TBC1D2: variants seen among roughly 807,000 people sequenced by gnomAD.
TBC1D2 encodes TBC1 domain family member 2, also known as TBC1 domain family member 2A.
In TBC1D2, 58 loss-of-function variants were observed where a neutral mutation model predicts 91.1. The observed-to-expected ratio is 0.64, with a 90% CI of 0.52 to 0.79. TBC1D2 has a LOEUF of 0.79. TBC1D2 is among the 30% of genes least tolerant of loss of function. The pLI, the probability that TBC1D2 is intolerant of heterozygous loss-of-function variation, is 0.00. For synonymous variants in TBC1D2, 482 were observed against 511.5 expected, an observed-to-expected ratio of 0.94 and a Z score of 0.78; for missense variants, 1,080 against 1,208.3, an observed-to-expected ratio of 0.89 and a Z score of 1.57.
chr9:98,223,092 G>T (rs1316930372), intron 5 of TBC1D2, among the ~76,000 whole-genome samples: 1 of 152,246 alleles, frequency 6.6e-6, no homozygotes, highest in African/African-American at 2.4e-5. Context: ...TGGTGGGAAT[G>T]AACATGACCC....
Position 98,233,420 on chromosome 9 carries a change from G to C in TBC1D2, c.777C>G (p.Thr259=). ...CAGCCCTGGACAGAGGCTCACCTGGGGTGCTGGCGTCAGAGGCCAAGGGCT... is the reference window on the plus strand; with the variant it reads ...CAGCCCTGGACAGAGGCTCACCTGGCGTGCTGGCGTCAGAGGCCAAGGGCT... The part of the protein sequence containing the change: ...EEQPLASDAS[T]PGREPEDSPK... The change falls in exon 4 of 13, where the codon ACC becomes ACG. Residue 259 remains threonine (T), a synonymous_variant. Coordinates refer to ENST00000465784, the MANE Select transcript of TBC1D2 (RefSeq NM_001267571.2). The C allele has an allele frequency of 6.2e-7, 1 of 1,613,696 alleles. No individual in the cohort carries two copies. Among genetic ancestry groups the C allele is most frequent in the Non-Finnish European group, 8.5e-7 (1 of 1,179,792 alleles).
At chr9:98,235,313 C>T (rs1829477804) in intron 3 of TBC1D2, 1 of 403,106 alleles carries the variant, frequency 2.5e-6, no homozygotes. Context: ...TGGTGCAGAT[C>T]GTGAGAAGAT....
At chr9:98,238,189 C>T (rs1829556741) in intron 3 of TBC1D2, among the ~76,000 whole-genome samples, 1 of 136,754 alleles carries the variant, frequency 7.3e-6, no homozygotes, top group Non-Finnish European at 1.5e-5. Flanking sequence ...CAGGCGTGAG[C>T]CCCTGCGCTC....
intron 5 of TBC1D2, 139 bp from the exon 6 acceptor site, chr9:98,221,367 T>G (rs899673450): frequency 1.8e-6 from 2 of 1,091,798 alleles, no homozygotes; most frequent in Non-Finnish European, 2.6e-6. Flanking sequence ...ATCCTGACAC[T>G]CACTTTCTCC....
chr9:98,204,029 TC>T (rs1828583397), intron 9 of TBC1D2, among the ~76,000 whole-genome samples: 1 of 151,922 alleles, frequency 6.6e-6, no homozygotes, highest in African/African-American at 2.4e-5. Context: ...CTCCTTTACT[TC>T]CCCTCCCCGC....
intron 3 of TBC1D2, among the ~76,000 whole-genome samples, chr9:98,239,857 T>C (rs1829593993): frequency 6.6e-6 from 1 of 152,208 alleles, no homozygotes; most frequent in African/African-American, 2.4e-5. Flanking sequence ...ATCTCTACGA[T>C]GTAATTAGGT....
intron 4 of TBC1D2, among the ~76,000 whole-genome samples, chr9:98,229,772 G>A (rs193156545): frequency 6.6e-6 from 1 of 152,272 alleles, no homozygotes; most frequent in East Asian, 1.9e-4. Flanking sequence ...TACAACCTAT[G>A]GTTCACAGGC....
At chr9:98,207,764 A>G (rs1463060696) in intron 9 of TBC1D2, among the ~76,000 whole-genome samples, 4 of 152,252 alleles carry the variant, frequency 2.6e-5, no homozygotes, top group African/African-American at 9.6e-5. Flanking sequence ...GAGAGGCCAG[A>G]GGCCATGCAG....
At chr9:98,231,980 G>A (rs1829380078) in intron 4 of TBC1D2, among the ~76,000 whole-genome samples, 1 of 152,182 alleles carries the variant, frequency 6.6e-6, no homozygotes, top group Non-Finnish European at 1.5e-5. Flanking sequence ...GCCACCTAGG[G>A]TTATGGGGCA....
chr9:98,242,803 C>CT (rs36035887), intron 3 of TBC1D2, among the ~76,000 whole-genome samples: 18,290 of 82,778 alleles, frequency 0.22, 4,949 homozygotes, highest in Non-Finnish European at 0.31. Flanking sequence ...ACACTGCTGC[C>CT]TTTTTTTTTT....
At chr9:98,211,410 A>G (rs116489892) in intron 7 of TBC1D2, among the ~76,000 whole-genome samples, 39 of 151,818 alleles carry the variant, frequency 2.6e-4, no homozygotes, top group African/African-American at 8.9e-4. Context: ...CTCCCACTTC[A>G]CAGCCCTCCT....
chr9:98,255,643 C>A lies in TBC1D2; in HGVS notation c.-102G>T, dbSNP rs1345470687. 17 of 1,349,464 alleles carry A rather than the reference C, an allele frequency of 1.3e-5. No homozygotes were observed. The highest frequency in any genetic ancestry group is 1.5e-5 in the African/African-American group (1 of 66,842). 83.6% of individuals were successfully genotyped at this position (1,349,464 alleles called of 1,614,324 possible). On this transcript the variant is annotated 5_prime_UTR_variant, in exon 1 of 13. Coordinates refer to ENST00000465784, the MANE Select transcript of TBC1D2 (RefSeq NM_001267571.2). Reference sequence around the variant, plus strand: ...AGCTTCCCAAAGGGAGACACCTGGGCGGGGGCGGGGCCGACGGCGAACCCG... The same window carrying A: ...AGCTTCCCAAAGGGAGACACCTGGGAGGGGGCGGGGCCGACGGCGAACCCG...
Position 98,210,840 on chromosome 9 carries a change from C to T in TBC1D2, c.1489G>A (p.Ala497Thr), listed in dbSNP as rs991624577. The T allele has an allele frequency of 1.6e-5, 25 of 1,550,804 alleles. No homozygotes were observed. The African/African-American group carries it at 2.3e-4, about 14-fold the overall frequency. Residue 497 changes from alanine (A) to threonine (T), a missense_variant, in exon 8 of 13, where the codon GCC (alanine) becomes ACC (threonine). Physicochemically the swap from Ala to Thr is moderately conservative, Grantham distance 58. Transcript: ENST00000465784. ...EKEKALLTKCAYLQARNCQVE... is the reference protein window; with the variant it reads ...EKEKALLTKCTYLQARNCQVE... ...TGGCAGTTTCTGGCTTGGAGGTAGG[C>T]GCACTGCAAACAGGGAAAGGCTGGT...
At chr9:98,223,109 G>C (rs1338821179) in intron 5 of TBC1D2, among the ~76,000 whole-genome samples, 2 of 152,250 alleles carry the variant, frequency 1.3e-5, no homozygotes, top group Non-Finnish European at 2.9e-5. Context: ...ACCCACCACA[G>C]TGGAATGATC....
chr9:98,251,732 G>T, intron 2 of TBC1D2, 53 bp downstream of exon 2: 2 of 1,511,118 alleles, frequency 1.3e-6, no homozygotes. Flanking sequence ...GAGGGTAAAG[G>T]CTTAATCACC....
At chr9:98,211,140 C>T (rs562715948) in intron 7 of TBC1D2, among the ~76,000 whole-genome samples, 22 of 152,366 alleles carry the variant, frequency 1.4e-4, no homozygotes, top group African/African-American at 4.8e-4. Context: ...TCAGCCACTG[C>T]TAGCTGGGTG....
chr9:98,201,273 C>T (rs995361385), intron 11 of TBC1D2, among the ~76,000 whole-genome samples: 5 of 152,222 alleles, frequency 3.3e-5, no homozygotes, highest in Non-Finnish European at 5.9e-5. Context: ...CTCCTCTCCA[C>T]GGAAAGGAAA....
chr9:98,201,726 C>T (rs1828510341), intron 10 of TBC1D2, 62 bp from the exon 11 acceptor site: 3 of 1,507,646 alleles, frequency 2.0e-6, no homozygotes, highest in African/African-American at 2.7e-5. Flanking sequence ...TCCCTCCCTG[C>T]CCAGCCTTCC....
intron 5 of TBC1D2, among the ~76,000 whole-genome samples, chr9:98,226,674 T>C (rs1256671314): frequency 6.6e-6 from 1 of 152,198 alleles, no homozygotes; most frequent in Non-Finnish European, 1.5e-5. Context: ...AATAATTGGA[T>C]AAACTAAATA....
Sources: gnomAD v4.1 joint callset for allele counts (sites outside exome capture counted in the v4.1 genomes callset) on GRCh38, gnomAD v4.1.1 for gene constraint, MANE v1.5 for transcripts, NCBI Gene and HGNC (gene_info 2026-07-23, HGNC 2026-07-21) for gene names.